ABHD17B: variants seen among roughly 807,000 people sequenced by gnomAD.
ABHD17B encodes the protein abhydrolase domain containing 17B, depalmitoylase, also known as alpha/beta hydrolase domain-containing protein 17B.
A neutral mutation model predicts 26.2 loss-of-function variants in ABHD17B; 9 were observed. The ratio of observed to expected loss-of-function variants is 0.34; its 90% confidence interval spans 0.21 to 0.60. The LOEUF (loss-of-function observed/expected upper bound fraction) is 0.60. Among genes scored for constraint, ABHD17B ranks in the 20% least tolerant of loss-of-function variants. ABHD17B has a pLI of 0.80. For synonymous variants in ABHD17B, 127 were observed against 122.3 expected (o/e 1.04, Z -0.25); for missense variants, 224 against 352.1 (o/e 0.64, Z 2.91).
At chr9:71,871,585 G>A (rs556992943) in intron 2 of ABHD17B, among the ~76,000 whole-genome samples, 2 of 152,200 alleles carry the variant, frequency 1.3e-5, no homozygotes, top group Non-Finnish European at 2.9e-5. Context: ...CATGAAATTT[G>A]GGCTACAGCT....
In ABHD17B at chr9:71,865,866, AT is replaced by A. The variant is rs1825943858; in HGVS notation, c.*920del. ...ACACAGCAAGACTCCATCTCAAAAA[AT>A]GAAAAAAATAGCCAAAGTGAAAAGG... is the stretch of plus-strand genomic sequence containing the variant. On this transcript the variant is annotated 3_prime_UTR_variant, in exon 4 of 4. Transcript: ENST00000333421. 1.0e-6 allele frequency: 1 copy of A among 984,452 alleles called. No homozygotes were observed. Among genetic ancestry groups the A allele is most frequent in the Non-Finnish European group, 1.2e-6 (1 of 829,170 alleles). The allele number at this position is 984,452 out of a possible 1,614,324, so 61.0% of individuals were successfully genotyped here. A position where few individuals can be genotyped will look rare whatever the true frequency, so the allele number is the denominator to read the frequency against.
chr9:71,864,376 C>T (rs550564591), downstream of ABHD17B, among the ~76,000 whole-genome samples: 10 of 151,602 alleles, frequency 6.6e-5, no homozygotes, highest in Non-Finnish European at 4.4e-5. Flanking sequence ...CGTGCCACCA[C>T]GCCCAGCTAA....
At chr9:71,863,808 T>C (rs1825884412), downstream of ABHD17B, among the ~76,000 whole-genome samples, 1 of 152,170 alleles carries the variant, frequency 6.6e-6, no homozygotes, top group Admixed American at 6.5e-5. Context: ...TATTTGAAGG[T>C]AGCTATTACT....
Position 71,899,490 on chromosome 9 carries a change from A to AG in ABHD17B, c.-4+11143dup, listed in dbSNP as rs1371584864. Reference sequence around the variant, plus strand: ...CTCACCCTTACAAATGTTGCACATCAGGTTACTAAATGGTCTTGAATACCC... The same window carrying AG: ...CTCACCCTTACAAATGTTGCACATCAGGGTTACTAAATGGTCTTGAATACCC... On this transcript the variant is annotated intron_variant, in intron 1 of 3. Coordinates refer to ENST00000333421, the MANE Select transcript of ABHD17B (RefSeq NM_001025780.3). Among the ~76,000 whole-genome samples the AG allele has an allele frequency of 1.2e-4, 19 of 152,334 alleles. 1 individual carries two copies. The East Asian group carries it at 3.7e-3, about 29-fold the overall frequency.
intron 1 of ABHD17B, among the ~76,000 whole-genome samples, chr9:71,899,802 T>C (rs1000038299): frequency 1.1e-4 from 17 of 152,096 alleles, no homozygotes; most frequent in African/African-American, 4.1e-4. Flanking sequence ...TCATATCCTA[T>C]GTTAACATTA....
chr9:71,889,727 G>A (rs902970678), intron 1 of ABHD17B, among the ~76,000 whole-genome samples: 21 of 151,872 alleles, frequency 1.4e-4, no homozygotes, highest in African/African-American at 5.1e-4. Context: ...AGAATTATTT[G>A]GCTTCCTGAC....
intron 1 of ABHD17B, among the ~76,000 whole-genome samples, chr9:71,901,860 G>C (rs908395675): frequency 6.6e-6 from 1 of 152,078 alleles, no homozygotes; most frequent in Non-Finnish European, 1.5e-5. Flanking sequence ...GCTCTACACT[G>C]CCACCAGGTG....
At chr9:71,881,857 C>A (rs1427712756) in intron 1 of ABHD17B, among the ~76,000 whole-genome samples, 2 of 150,904 alleles carry the variant, frequency 1.3e-5, no homozygotes, top group African/African-American at 4.9e-5. Context: ...CTGTACTCCA[C>A]CCTGGGGAAC....
At position 71,886,325 on chromosome 9, in the gene ABHD17B, T is replaced by C. The variant is rs373097391; in HGVS notation, c.-3-11242A>G. Among the ~76,000 whole-genome samples, 58 of 151,458 alleles carry C rather than the reference T, an allele frequency of 3.8e-4. 2 individuals are homozygous for C. Among genetic ancestry groups the C allele is most frequent in the African/African-American group, 1.3e-3 (55 of 41,216 alleles). ...TTCCTGGGCCAGGCACAGTGGCTCA[T>C]GCCTGTAATCTGAGCACTTTGGGAG... On this transcript the variant is annotated intron_variant, in intron 1 of 3. Coordinates refer to ENST00000333421, the MANE Select transcript of ABHD17B (RefSeq NM_001025780.3).
At position 71,872,115 on chromosome 9, in the gene ABHD17B, T is replaced by C. The variant is rs114778408; in HGVS notation, c.468-1853A>G. Among the ~76,000 whole-genome samples, 1,271 of 152,306 alleles carry C rather than the reference T, an allele frequency of 8.3e-3. 18 individuals are homozygous for C. Among genetic ancestry groups the C allele is most frequent in the African/African-American group, 0.028 (1,179 of 41,556 alleles). ...TTCATTAGATGACAGAATTCCAGAATTGGAAAAGATCTTGGGGATCATTTA... is the reference window on the plus strand; with the variant it reads ...TTCATTAGATGACAGAATTCCAGAACTGGAAAAGATCTTGGGGATCATTTA... On this transcript the variant is annotated intron_variant, in intron 2 of 3. Coordinates refer to ENST00000333421, the MANE Select transcript of ABHD17B (RefSeq NM_001025780.3).
chr9:71,876,792 A>C (rs142345661), intron 1 of ABHD17B, among the ~76,000 whole-genome samples: 52 of 152,298 alleles, frequency 3.4e-4, no homozygotes, highest in East Asian at 1.5e-3. Context: ...TGTTTATAAG[A>C]AGCAGCAGAA....
intron 1 of ABHD17B, among the ~76,000 whole-genome samples, chr9:71,900,737 C>T (rs1046992994): frequency 1.1e-4 from 16 of 151,866 alleles, no homozygotes; most frequent in African/African-American, 3.4e-4. Flanking sequence ...CTCCTCCAAC[C>T]ATATCTTGAT....
chr9:71,864,074 T>C (rs1825889909), downstream of ABHD17B, among the ~76,000 whole-genome samples: 1 of 152,098 alleles, frequency 6.6e-6, no homozygotes, highest in Non-Finnish European at 1.5e-5. Flanking sequence ...AATCTCCAGA[T>C]TTTTTCATCT....
At chr9:71,901,298 C>A (rs1827134274) in intron 1 of ABHD17B, among the ~76,000 whole-genome samples, 1 of 151,630 alleles carries the variant, frequency 6.6e-6, no homozygotes, top group South Asian at 2.1e-4. Flanking sequence ...ACCAATATTC[C>A]CTGTCAGGCC....
At chr9:71,872,147 T>C (rs1410979062) in intron 2 of ABHD17B, among the ~76,000 whole-genome samples, 1 of 152,188 alleles carries the variant, frequency 6.6e-6, no homozygotes, top group Non-Finnish European at 1.5e-5. Flanking sequence ...TTTAATTCAA[T>C]CTCTTCATTA....
chr9:71,878,599 C>T (rs1351001616), intron 1 of ABHD17B, among the ~76,000 whole-genome samples: 1 of 152,084 alleles, frequency 6.6e-6, no homozygotes, highest in East Asian at 1.9e-4. Context: ...TGAAATCAAA[C>T]TTTTAACCTA....
chr9:71,892,394 G>T (rs1234877759), intron 1 of ABHD17B, among the ~76,000 whole-genome samples: 9 of 151,776 alleles, frequency 5.9e-5, no homozygotes, highest in African/African-American at 9.7e-5. Flanking sequence ...TTAGCCAGGC[G>T]TGGTGGCGGG....
intron 2 of ABHD17B, among the ~76,000 whole-genome samples, chr9:71,873,727 G>T (rs1329718263): frequency 6.6e-6 from 1 of 151,920 alleles, no homozygotes; most frequent in African/African-American, 2.4e-5. Flanking sequence ...TAGAGATGGG[G>T]TTTCACCATG....
At position 71,866,208 on chromosome 9, in the gene ABHD17B, A is replaced by C; in HGVS notation, c.*579T>G. 1.0e-6 allele frequency: 1 copy of C among 981,096 alleles called. No homozygotes were observed. Among genetic ancestry groups the C allele is most frequent in the Non-Finnish European group, 1.2e-6 (1 of 825,592 alleles). 60.8% of individuals were successfully genotyped at this position (981,096 alleles called of 1,614,324 possible). On this transcript the variant is annotated 3_prime_UTR_variant, in exon 4 of 4. Transcript: ENST00000333421. ...AAAATTAAGATTTACATCTTTTTTA[A>C]AGGATAAATGTATGTAATCAGAGTA...
Sources: gnomAD v4.1 joint callset for allele counts (sites outside exome capture counted in the v4.1 genomes callset) on GRCh38, gnomAD v4.1.1 for gene constraint, MANE v1.5 for transcripts, NCBI Gene and HGNC (gene_info 2026-07-23, HGNC 2026-07-21) for gene names.